The following CNTLN variants were observed in gnomAD, a reference collection of about 807,000 sequenced individuals.
CNTLN encodes centlein, centrosomal protein.
In CNTLN, 212 loss-of-function variants were observed where a neutral mutation model predicts 180.0. The observed-to-expected ratio is 1.18, with a 90% CI of 1.05 to 1.32. The LOEUF (loss-of-function observed/expected upper bound fraction) is 1.32. Among genes scored for constraint, CNTLN ranks in the 40% most tolerant of loss-of-function variants. The pLI, the probability that CNTLN is intolerant of heterozygous loss-of-function variation, is 0.00. For synonymous variants in CNTLN, 722 were observed against 563.1 expected (o/e 1.28, Z -3.99); for missense variants, 2,095 against 1,610.9 (o/e 1.30, Z -5.14).
At chr9:17,414,855 C>T (rs761695753) in intron 16 of CNTLN, among the ~76,000 whole-genome samples, 8 of 152,076 alleles carry the variant, frequency 5.3e-5, no homozygotes, top group African/African-American at 1.9e-4. Flanking sequence ...TTTTGGAGGC[C>T]GAGGCGAGTG....
At chr9:17,398,702 C>G (rs987838469) in intron 15 of CNTLN, among the ~76,000 whole-genome samples, 17 of 152,088 alleles carry the variant, frequency 1.1e-4, no homozygotes, top group African/African-American at 4.1e-4. Flanking sequence ...TTCTGTTTAT[C>G]ATTGGTTTCT....
the CNTLN span, among the ~76,000 whole-genome samples, chr9:17,509,015 A>T: frequency 6.6e-6 from 1 of 152,360 alleles, no homozygotes; most frequent in Non-Finnish European, 1.5e-5. Context: ...TTTAATAATC[A>T]AATTGATAGG....
At chr9:17,159,328 A>G (rs1183677270) in intron 2 of CNTLN, among the ~76,000 whole-genome samples, 1 of 152,174 alleles carries the variant, frequency 6.6e-6, no homozygotes, top group Non-Finnish European at 1.5e-5. Flanking sequence ...CTTTCAAGCA[A>G]AGTCTCTGAG....
chr9:17,380,450 T>C (rs1825149711), intron 13 of CNTLN, among the ~76,000 whole-genome samples: 1 of 152,090 alleles, frequency 6.6e-6, no homozygotes, highest in South Asian at 2.1e-4. Flanking sequence ...TGTGTAACAG[T>C]GTGATTGGCC....
At position 17,484,464 on chromosome 9, in the gene CNTLN, A is replaced by G; in HGVS notation, c.4025A>G (p.Asp1342Gly). The change falls in exon 24 of 26, where the codon GAC becomes GGC. Residue 1342 changes from aspartate (D) to glycine (G), a missense_variant. Coordinates refer to ENST00000380647, the MANE Select transcript of CNTLN (RefSeq NM_017738.4). The part of the protein sequence containing the change: ...ISRSDLEEIL[D>G]TEDQVEIEKT... ...CGGTCAGATTTAGAGGAAATATTAG[A>G]CACAGAAGATCAAGTGGTAAGATCA... 6.3e-7 allele frequency: 1 copy of G among 1,599,112 alleles called. No homozygotes were observed. Among genetic ancestry groups the G allele is most frequent in the Non-Finnish European group, 8.5e-7 (1 of 1,176,386 alleles).
chr9:17,467,406 G>A (rs1383206271), intron 23 of CNTLN, among the ~76,000 whole-genome samples: 2 of 151,606 alleles, frequency 1.3e-5, no homozygotes, highest in Non-Finnish European at 3.0e-5. Flanking sequence ...AAGAGCCCTA[G>A]AAAGCCTTCA....
intron 19 of CNTLN, 151 bp from the exon 20 acceptor site, chr9:17,462,765 A>G (rs926305323): frequency 5.0e-6 from 2 of 398,470 alleles, no homozygotes; most frequent in Admixed American, 8.8e-5. Context: ...AGCATATAAA[A>G]TAAAGCATTT....
chr9:17,318,759 A>G (rs561620245), intron 8 of CNTLN, among the ~76,000 whole-genome samples: 1 of 152,308 alleles, frequency 6.6e-6, no homozygotes, highest in South Asian at 2.1e-4. Flanking sequence ...TCTGCCCATT[A>G]GTAACATATA....
chr9:17,449,365 C>A (rs995126604), intron 18 of CNTLN, among the ~76,000 whole-genome samples: 1 of 149,108 alleles, frequency 6.7e-6, no homozygotes, highest in African/African-American at 2.5e-5. Context: ...TGAGAACATG[C>A]GGTGTTTGGT....
intron 12 of CNTLN, among the ~76,000 whole-genome samples, chr9:17,351,627 A>G (rs1008024094): frequency 2.0e-5 from 3 of 152,046 alleles, no homozygotes; most frequent in African/African-American, 7.2e-5. Context: ...CAAACATCCT[A>G]TCTTATTTCT....
At chr9:17,145,922 A>G (rs1404165405) in intron 2 of CNTLN, among the ~76,000 whole-genome samples, 1 of 152,204 alleles carries the variant, frequency 6.6e-6, no homozygotes, top group Non-Finnish European at 1.5e-5. Flanking sequence ...TCAGCTGAAC[A>G]TAATATTTTA....
intron 2 of CNTLN, among the ~76,000 whole-genome samples, chr9:17,205,584 G>T (rs1281390769): frequency 1.3e-5 from 2 of 152,192 alleles, no homozygotes; most frequent in African/African-American, 4.8e-5. Context: ...AGCGGTGGGA[G>T]CAGTCAGCTG....
intron 12 of CNTLN, among the ~76,000 whole-genome samples, chr9:17,352,769 T>C (rs1408267492): frequency 1.3e-5 from 2 of 152,298 alleles, no homozygotes; most frequent in South Asian, 2.1e-4. Flanking sequence ...TTTCTATGGA[T>C]TTACCTATTT....
intron 5 of CNTLN, among the ~76,000 whole-genome samples, chr9:17,266,401 G>C (rs1298899821): frequency 6.6e-6 from 1 of 152,150 alleles, no homozygotes; most frequent in Non-Finnish European, 1.5e-5. Flanking sequence ...TGGTCTGAGA[G>C]ACAGTTTGTT....
chr9:17,206,246 T>C (rs1822914263), intron 2 of CNTLN, among the ~76,000 whole-genome samples: 1 of 152,198 alleles, frequency 6.6e-6, no homozygotes, highest in African/African-American at 2.4e-5. Flanking sequence ...CCAAACAGTC[T>C]ATTTTTGCCT....
chr9:17,369,417 A>C (rs1295148038), intron 13 of CNTLN, among the ~76,000 whole-genome samples: 4 of 152,068 alleles, frequency 2.6e-5, no homozygotes, highest in African/African-American at 9.7e-5. Flanking sequence ...TTCATCAAAC[A>C]AACGAAATGA....
At chr9:17,238,618 A>T (rs964649358) in intron 5 of CNTLN, among the ~76,000 whole-genome samples, 2 of 152,176 alleles carry the variant, frequency 1.3e-5, no homozygotes, top group Non-Finnish European at 2.9e-5. Flanking sequence ...ACGACTGTCC[A>T]TAAAAATACA....
chr9:17,465,856 T>C, intron 21 of CNTLN, 125 bp from the exon 22 acceptor site: 3 of 693,676 alleles, frequency 4.3e-6, no homozygotes, highest in Non-Finnish European at 4.6e-6. Flanking sequence ...TACTTGAATT[T>C]GATAGCGTTA....
intron 5 of CNTLN, among the ~76,000 whole-genome samples, chr9:17,238,804 A>T (rs536688268): frequency 6.6e-6 from 1 of 152,140 alleles, no homozygotes; most frequent in Non-Finnish European, 1.5e-5. Flanking sequence ...CTACATGTAT[A>T]TATATTTTCA....
Sources: allele counts gnomAD v4.1 joint callset (sites outside exome capture counted in the v4.1 genomes callset), GRCh38; gene constraint gnomAD v4.1.1; transcripts MANE v1.5; gene names NCBI Gene and HGNC (gene_info 2026-07-23, HGNC 2026-07-21).